Variants in SMARCA1 observed in about 807,000 individuals in gnomAD.
SMARCA1 encodes SWI/SNF-related matrix-associated actin-dependent regulator of chromatin subfamily A member 1.
In SMARCA1, 17 loss-of-function variants were observed where a neutral mutation model predicts 93.6. The ratio of observed to expected loss-of-function variants is 0.18; its 90% CI spans 0.12 to 0.27. The LOEUF (loss-of-function observed/expected upper bound fraction) is 0.27. SMARCA1 is among the 10% of genes least tolerant of loss of function. The pLI, the probability that SMARCA1 is intolerant of heterozygous loss-of-function variation, is 1.00. For missense variants in SMARCA1, 630 were observed against 819.0 expected, an observed-to-expected ratio of 0.77 and a Z score of 2.82; for synonymous variants, 271 against 271.4, an observed-to-expected ratio of 1.00 and a Z score of 0.01.
intron 7 of SMARCA1, 96 bp from the exon 8 acceptor site, chrX:129,506,307 C>T: frequency 1.5e-6 from 1 of 654,442 alleles, no homozygotes; most frequent in South Asian, 3.4e-5. Context: ...TTTTTGACTA[C>T]AATATAACTT....
chrX:129,469,334 A>G (rs1280671304), intron 20 of SMARCA1, among the ~76,000 whole-genome samples: 1 of 71,476 alleles, frequency 1.4e-5, no homozygotes, highest in Non-Finnish European at 2.2e-5. Flanking sequence ...ACCAAAAGAT[A>G]ATGCAAAAAA....
chrX:129,453,406 T>C (rs1325389990), intron 23 of SMARCA1, among the ~76,000 whole-genome samples: 1 of 111,285 alleles, frequency 9.0e-6, no homozygotes, highest in Admixed American at 9.6e-5. Context: ...ATGCCCTCTC[T>C]CCCCACTCCT....
At chrX:129,447,391 A>G in intron 24 of SMARCA1, 158 bp from the exon 25 acceptor site, 1 of 469,756 alleles carries the variant, frequency 2.1e-6, no homozygotes, top group Non-Finnish European at 3.3e-6. Flanking sequence ...AGCCCAACAA[A>G]CTATATAACC....
At chrX:129,471,117 T>C in intron 20 of SMARCA1, 87 bp downstream of exon 20, 1 of 731,089 alleles carries the variant, frequency 1.4e-6, no homozygotes, top group South Asian at 3.1e-5. Context: ...ACTAGGATAC[T>C]AGGCCCATAC....
At chrX:129,485,681 G>T (rs780421432) in intron 17 of SMARCA1, among the ~76,000 whole-genome samples, 1 of 111,698 alleles carries the variant, frequency 9.0e-6, no homozygotes, top group Admixed American at 9.5e-5. Context: ...GGAAGTGTTT[G>T]GGTCATAGGG....
At position 129,474,419 on chromosome X, in the gene SMARCA1, CCAATT is replaced by C. The variant is rs200458732; in HGVS notation, c.2443-3098_2443-3094del. On this transcript the variant is annotated intron_variant, in intron 19 of 24. Transcript: ENST00000371121. ...CAAAATGAAAATATTTTATAAACATCCAATTCATGACAGAAAATAAATATACCCAC... is the reference window on the plus strand; with the variant it reads ...CAAAATGAAAATATTTTATAAACATCCATGACAGAAAATAAATATACCCAC... Among the ~76,000 whole-genome samples, 939 of 111,259 alleles carry C rather than the reference CCAATT, an allele frequency of 8.4e-3. 9 individuals are homozygous for C. The highest frequency in any genetic ancestry group is 0.029 in the African/African-American group (900 of 30,669).
chrX:129,453,303 T>C (rs963926011), intron 23 of SMARCA1, among the ~76,000 whole-genome samples: 18 of 111,475 alleles, frequency 1.6e-4, no homozygotes, highest in African/African-American at 5.2e-4. Flanking sequence ...CTAGCCAAGT[T>C]GTGAATGCAA....
rs879221096 is a variant in SMARCA1, at chrX:129,486,933, A to G, written c.2217+85T>C. On this transcript the variant is annotated intron_variant, in intron 17 of 24. Transcript: ENST00000371121. ...ATTTCACTCTAGAGCAGGGTATTATAATAGGTAAGTGCCAGTGTTATTTTA... is the reference window on the plus strand; with the variant it reads ...ATTTCACTCTAGAGCAGGGTATTATGATAGGTAAGTGCCAGTGTTATTTTA... 9 of 751,584 alleles carry G rather than the reference A, an allele frequency of 1.2e-5. No individual in the cohort carries two copies. In the South Asian group the frequency reaches 2.7e-4, roughly 23 times the overall value. The allele number at this position is 751,584 out of a possible 1,213,427, so 61.9% of individuals were successfully genotyped here.
intron 16 of SMARCA1, among the ~76,000 whole-genome samples, chrX:129,487,379 G>A (rs1017004784): frequency 2.7e-5 from 3 of 112,519 alleles, no homozygotes; most frequent in African/African-American, 9.7e-5. Context: ...TCTTTTGTCA[G>A]TGAAGTTGTA....
intron 20 of SMARCA1, among the ~76,000 whole-genome samples, chrX:129,469,325 C>A (rs971635238): frequency 1.8e-4 from 15 of 82,046 alleles, no homozygotes; most frequent in African/African-American, 1.1e-3. Flanking sequence ...TGAGGAATAA[C>A]CAAAAGATAA....
At chrX:129,497,019 A>C (rs767162434) in intron 11 of SMARCA1, 148 bp from the exon 12 acceptor site, 1,026 of 413,227 alleles carry the variant, frequency 2.5e-3, no homozygotes, top group Non-Finnish European at 3.2e-3. Flanking sequence ...ACACACACAC[A>C]CACCCCCACA....
chrX:129,465,965 GA>G lies in SMARCA1; in HGVS notation c.2699-4del. On this transcript the variant is annotated splice_region_variant and splice_polypyrimidine_tract_variant and intron_variant, in intron 21 of 24. Coordinates refer to ENST00000371121, the MANE Select transcript of SMARCA1 (RefSeq NM_001282874.2). Reference sequence around the variant, plus strand: ...ATTGCAACGTTCCCAAAATACAGCTGAAAAACAGAGTTATTTCTTTAAAATC... The same window carrying G: ...ATTGCAACGTTCCCAAAATACAGCTGAAAACAGAGTTATTTCTTTAAAATC... The G allele has an allele frequency of 2.2e-6, 2 of 927,791 alleles. No homozygotes were observed. The highest frequency in any genetic ancestry group is 3.0e-6 in the Non-Finnish European group (2 of 662,645). 76.5% of individuals were successfully genotyped at this position (927,791 alleles called of 1,213,427 possible).
chrX:129,468,320 A>G (rs1283835512), intron 21 of SMARCA1, among the ~76,000 whole-genome samples: 1 of 112,131 alleles, frequency 8.9e-6, no homozygotes, highest in Non-Finnish European at 1.9e-5. Flanking sequence ...TGGGACCCAC[A>G]GGAACTCTCT....
At chrX:129,476,986 A>G (rs1412270243) in intron 19 of SMARCA1, among the ~76,000 whole-genome samples, 7 of 112,137 alleles carry the variant, frequency 6.2e-5, no homozygotes, top group Non-Finnish European at 1.3e-4. Context: ...ACAAATATCC[A>G]GAATGTATTC....
At chrX:129,461,990 A>G (rs1213572982) in intron 23 of SMARCA1, among the ~76,000 whole-genome samples, 1 of 112,035 alleles carries the variant, frequency 8.9e-6, no homozygotes, top group African/African-American at 3.2e-5. Context: ...AGGCTTTCAA[A>G]GTGAGGCATA....
chrX:129,466,810 A>G (rs1932921683), intron 21 of SMARCA1, among the ~76,000 whole-genome samples: 1 of 107,341 alleles, frequency 9.3e-6, no homozygotes, highest in Non-Finnish European at 1.9e-5. Context: ...GTGTGTTTTT[A>G]AACTTACTTG....
chrX:129,498,193 A>T (rs779838485), intron 10 of SMARCA1, 122 bp from the exon 11 acceptor site: 1 of 486,349 alleles, frequency 2.1e-6, no homozygotes, highest in Non-Finnish European at 3.6e-6. Flanking sequence ...TTGAGATTAA[A>T]TCTAATGGGC....
intron 21 of SMARCA1, among the ~76,000 whole-genome samples, chrX:129,467,434 T>C (rs1932943413): frequency 8.9e-6 from 1 of 111,795 alleles, no homozygotes; most frequent in South Asian, 3.7e-4. Context: ...TTACATTCTT[T>C]TCATTCAACT....
intron 23 of SMARCA1, among the ~76,000 whole-genome samples, chrX:129,464,694 A>G (rs1420423027): frequency 8.9e-6 from 1 of 112,504 alleles, no homozygotes; most frequent in Non-Finnish European, 1.9e-5. Flanking sequence ...CTCAAGCATA[A>G]CCTGCTTAAT....
Sources: allele counts gnomAD v4.1 joint callset (sites outside exome capture counted in the v4.1 genomes callset), GRCh38; gene constraint gnomAD v4.1.1; transcripts MANE v1.5; gene names NCBI Gene and HGNC (gene_info 2026-07-23, HGNC 2026-07-21).